ERN1: variants seen among roughly 807,000 people sequenced by gnomAD.
The protein encoded by ERN1 is serine/threonine-protein kinase/endoribonuclease IRE1.
Under a neutral mutation model 113.1 loss-of-function variants are expected in ERN1, and 39 were observed. The observed-to-expected ratio is 0.34, with a 90% CI of 0.27 to 0.45. ERN1 has a LOEUF of 0.45. Ranked by LOEUF, ERN1 falls within the 20% of genes least tolerant of loss-of-function variation. The probability of loss-of-function intolerance (pLI) is 1.00; values close to 1 mark genes in which losing one functional copy is unlikely to be tolerated. For missense variants in ERN1, 976 were observed against 1,274.8 expected (o/e 0.77, Z 3.57); for synonymous variants, 507 against 515.9 (o/e 0.98, Z 0.23).
chr17:64,078,883 G>A (rs1429247362), intron 4 of ERN1, among the ~76,000 whole-genome samples: 2 of 152,170 alleles, frequency 1.3e-5, no homozygotes, highest in African/African-American at 4.8e-5. Flanking sequence ...ATGTACACCT[G>A]TGGTCCCAGC....
chr17:64,053,970 C>A, intron 15 of ERN1: 1 of 341,512 alleles, frequency 2.9e-6, no homozygotes, highest in Non-Finnish European at 5.4e-6. Flanking sequence ...GACGGGGTCT[C>A]ACTCTGTTGT....
At chr17:64,072,153 A>G in intron 5 of ERN1, 50 bp from the exon 6 acceptor site, 1 of 1,600,426 alleles carries the variant, frequency 6.2e-7, no homozygotes, top group Non-Finnish European at 8.5e-7. Context: ...GGAAAAAAGT[A>G]TCGCTGCCAA....
At position 64,043,767 on chromosome 17, in the gene ERN1, T is replaced by C; in HGVS notation, c.*221A>G. ...TGCAGACATCATGACCGTAAGGCTT[T>C]TGGGGCCAGCATCTTCCCAGTTCCC... is the stretch of plus-strand genomic sequence containing the variant. On this transcript the variant is annotated 3_prime_UTR_variant, in exon 22 of 22. Coordinates refer to ENST00000433197, the MANE Select transcript of ERN1 (RefSeq NM_001433.5). 2.2e-6 allele frequency: 1 copy of C among 444,732 alleles called. No homozygotes were observed. The highest frequency in any genetic ancestry group is 4.0e-6 in the Non-Finnish European group (1 of 251,762). The allele number at this position is 444,732 out of a possible 1,614,324, so 27.5% of individuals were successfully genotyped here. A position where few individuals can be genotyped will look rare whatever the true frequency, so the allele number is the denominator to read the frequency against.
chr17:64,106,751 C>CACACACAA (rs942189670), intron 1 of ERN1, among the ~76,000 whole-genome samples: 7 of 145,436 alleles, frequency 4.8e-5, no homozygotes, highest in Non-Finnish European at 1.0e-4. Context: ...CACACACACA[C>CACACACAA]ACACACACAC....
At chr17:64,104,165 C>A (rs959246369) in intron 1 of ERN1, among the ~76,000 whole-genome samples, 7 of 152,130 alleles carry the variant, frequency 4.6e-5, no homozygotes, top group Non-Finnish European at 7.4e-5. Flanking sequence ...TTGCTTGAGC[C>A]TGGGAAGCAA....
chr17:64,090,122 T>C (rs1344187382), intron 2 of ERN1, among the ~76,000 whole-genome samples: 1 of 152,218 alleles, frequency 6.6e-6, no homozygotes, highest in Non-Finnish European at 1.5e-5. Context: ...GTCCAAATTT[T>C]AAGACAGAAA....
At chr17:64,065,851 A>G (rs180676214) in intron 8 of ERN1, among the ~76,000 whole-genome samples, 189 of 152,282 alleles carry the variant, frequency 1.2e-3, no homozygotes, top group Non-Finnish European at 1.6e-3. Context: ...GTCTGTCCCC[A>G]TGTGGGACAT....
chr17:64,107,491 A>G (rs778299144), intron 1 of ERN1, among the ~76,000 whole-genome samples: 11 of 151,504 alleles, frequency 7.3e-5, no homozygotes, highest in Non-Finnish European at 1.3e-4. Context: ...CTGGCTTTTT[A>G]TTTCATTTTT....
In ERN1 at chr17:64,054,357, A is replaced by G; in HGVS notation, c.1846T>C (p.Leu616=). The G allele has an allele frequency of 6.2e-7, 1 of 1,612,074 alleles. No individual in the cohort carries two copies. Among genetic ancestry groups the G allele is most frequent in the African/African-American group, 1.3e-5 (1 of 75,022 alleles). The part of the protein sequence containing the change: ...FSFADREVQL[L]RESDEHPNVI... ...TTCGGGTGCTCATCCGATTCTCGCA[A>G]CAGCTGGACCTCACGGTCTGCGAAG... Residue 616 remains leucine, a synonymous_variant, in exon 15 of 22, where the codon TTG becomes CTG. Transcript: ENST00000433197. The surrounding 1 kb of genome is among the most constrained non-coding windows in gnomAD (Gnocchi z 4.9).
intron 18 of ERN1, 74 bp from the exon 19 acceptor site, chr17:64,048,059 G>T (rs1398061121): frequency 7.8e-7 from 1 of 1,284,504 alleles, no homozygotes; most frequent in East Asian, 2.4e-5. Flanking sequence ...ACTTTAAAAA[G>T]CTGCACACCC....
At chr17:64,121,239 G>A (rs938004149) in intron 1 of ERN1, among the ~76,000 whole-genome samples, 18 of 152,146 alleles carry the variant, frequency 1.2e-4, no homozygotes, top group South Asian at 2.1e-4. Context: ...GGCAGGTGGC[G>A]CCTCTGCAAA....
intron 1 of ERN1, among the ~76,000 whole-genome samples, chr17:64,127,686 G>A (rs1310509740): frequency 1.3e-5 from 2 of 151,520 alleles, no homozygotes; most frequent in Non-Finnish European, 2.9e-5. Context: ...CCCGGGAGGC[G>A]GAGGTTGCAG....
chr17:64,093,148 A>T (rs187065783), intron 2 of ERN1, among the ~76,000 whole-genome samples: 43 of 152,378 alleles, frequency 2.8e-4, no homozygotes, highest in Non-Finnish European at 5.1e-4. Context: ...AAAAAAAGTA[A>T]ATAAATACAT....
chr17:64,062,344 TC>T (rs1913080230), intron 10 of ERN1, among the ~76,000 whole-genome samples: 1 of 152,272 alleles, frequency 6.6e-6, no homozygotes, highest in Non-Finnish European at 1.5e-5. Flanking sequence ...TTTAATGCTT[TC>T]CACAAAGAGA....
At chr17:64,091,585 GC>G (rs1320726495) in intron 2 of ERN1, among the ~76,000 whole-genome samples, 1 of 152,232 alleles carries the variant, frequency 6.6e-6, no homozygotes. Flanking sequence ...GGCTCACCCT[GC>G]TTGAGAAGCC....
intron 11 of ERN1, 30 bp downstream of exon 11, chr17:64,060,439 C>T (rs1913015968): frequency 6.9e-7 from 1 of 1,451,324 alleles, no homozygotes; most frequent in Non-Finnish European, 9.7e-7. Context: ...CTAACACCAA[C>T]AACCCCCGAC....
chr17:64,066,240 C>T (rs1218235325), intron 8 of ERN1, among the ~76,000 whole-genome samples: 3 of 152,160 alleles, frequency 2.0e-5, no homozygotes, highest in Non-Finnish European at 4.4e-5. Flanking sequence ...AAATCTCTTG[C>T]ATCCCTACCA....
rs1274219759 is a variant in ERN1, at chr17:64,098,258, A to G, written c.55-17T>C. On this transcript the variant is annotated splice_polypyrimidine_tract_variant and intron_variant, in intron 1 of 21. Transcript: ENST00000433197. The stretch of plus-strand genomic sequence containing the variant: ...TCCAAAAATCTGCAACGAGATGTAG[A>G]AGACTCTTAATGTTGATATGATTCT... 1 of 1,613,734 alleles carries G rather than the reference A, an allele frequency of 6.2e-7. No homozygotes were observed. Among genetic ancestry groups the G allele is most frequent in the African/African-American group, 1.3e-5 (1 of 74,918 alleles).
intron 20 of ERN1, 102 bp downstream of exon 20, chr17:64,045,257 G>T: frequency 7.3e-7 from 1 of 1,366,306 alleles, no homozygotes; most frequent in Non-Finnish European, 1.0e-6. Context: ...CAGGTGGGAT[G>T]TGGGGCCTGA....
Sources: allele counts gnomAD v4.1 joint callset (sites outside exome capture counted in the v4.1 genomes callset), GRCh38; gene constraint gnomAD v4.1.1; non-coding constraint Gnocchi (gnomAD v3.1); transcripts MANE v1.5; gene names NCBI Gene and HGNC (gene_info 2026-07-23, HGNC 2026-07-21).